Variants in ADK observed in about 807,000 individuals in gnomAD.
ADK encodes adenosine kinase.
In ADK, 24 loss-of-function variants were observed where a neutral mutation model predicts 44.7. The ratio of observed to expected loss-of-function variants is 0.54; its 90% CI spans 0.39 to 0.76. The LOEUF is 0.76. Ranked by LOEUF, ADK falls within the 30% of genes least tolerant of loss-of-function variation. The pLI is 0.00. For synonymous variants in ADK, 128 were observed against 142.6 expected (o/e 0.90, Z 0.73); for missense variants, 321 against 425.1 (o/e 0.76, Z 2.15).
intron 6 of ADK, among the ~76,000 whole-genome samples, chr10:74,425,729 T>A (rs1055206234): frequency 6.6e-6 from 1 of 152,242 alleles, no homozygotes; most frequent in Non-Finnish European, 1.5e-5. Context: ...TGAAAGAATC[T>A]GAGTGTTTGC....
chr10:74,647,649 T>C (rs546914892), intron 9 of ADK, among the ~76,000 whole-genome samples: 1 of 152,300 alleles, frequency 6.6e-6, no homozygotes, highest in Admixed American at 6.5e-5. Context: ...AAATAACTTG[T>C]ATGCAAACGT....
intron 3 of ADK, among the ~76,000 whole-genome samples, chr10:74,254,957 G>A (rs1339618627): frequency 6.6e-6 from 1 of 152,064 alleles, no homozygotes; most frequent in East Asian, 1.9e-4. Context: ...ATGCTGTACA[G>A]TATTTTCTTG....
intron 4 of ADK, among the ~76,000 whole-genome samples, chr10:74,385,315 G>C (rs1182209810): frequency 6.6e-6 from 1 of 152,090 alleles, no homozygotes; most frequent in African/African-American, 2.4e-5. Flanking sequence ...GGTTGAGTAG[G>C]TATTTGGATA....
rs376941529 is a variant in ADK, at chr10:74,680,590, A to G, written c.964+10321A>G. Among the ~76,000 whole-genome samples, 13 of 152,284 alleles carry G rather than the reference A, an allele frequency of 8.5e-5. No homozygotes were observed. In the East Asian group the frequency reaches 2.3e-3, roughly 27 times the overall value. ...TTAGTGTAATCTTTAAATAAATAAA[A>G]TCACATGTGTGTAGCACTGATGCAG... On this transcript the variant is annotated intron_variant, in intron 10 of 10. Coordinates refer to ENST00000539909, the MANE Select transcript of ADK (RefSeq NM_006721.4).
chr10:74,438,904 A>G (rs1361696206), intron 6 of ADK, among the ~76,000 whole-genome samples: 2 of 152,190 alleles, frequency 1.3e-5, no homozygotes, highest in East Asian at 1.9e-4. Context: ...TATATGTTCT[A>G]GATAATGTGG....
At chr10:74,427,209 A>T (rs1012500326) in intron 6 of ADK, among the ~76,000 whole-genome samples, 21 of 151,816 alleles carry the variant, frequency 1.4e-4, no homozygotes, top group Admixed American at 2.0e-4. Context: ...ATTTTATTTT[A>T]TTTTTTTGAG....
chr10:74,707,677 G>C (rs1832436), intron 10 of ADK, among the ~76,000 whole-genome samples: 122,464 of 150,758 alleles, frequency 0.81, 50,076 homozygotes, highest in African/African-American at 0.9. Context: ...GCAGAAGAAT[G>C]GCTTGAACCT....
At chr10:74,702,469 A>AC (rs1856458173) in intron 10 of ADK, among the ~76,000 whole-genome samples, 1 of 150,900 alleles carries the variant, frequency 6.6e-6, no homozygotes, top group Non-Finnish European at 1.5e-5. Flanking sequence ...GGCAGGAGCC[A>AC]CCATGGCCAG....
intron 1 of ADK, among the ~76,000 whole-genome samples, chr10:74,155,542 G>T (rs1042680341): frequency 3.3e-5 from 5 of 151,904 alleles, no homozygotes; most frequent in Admixed American, 6.6e-5. Flanking sequence ...GTTTGTTTTT[G>T]TTTTTGAGAC....
intron 9 of ADK, among the ~76,000 whole-genome samples, chr10:74,619,010 CTTTG>C (rs1332322367): frequency 1.8e-5 from 2 of 108,850 alleles, no homozygotes; most frequent in African/African-American, 4.4e-5. Context: ...CTTTTATGCT[CTTTG>C]TGTGTGTGTG....
intron 9 of ADK, among the ~76,000 whole-genome samples, chr10:74,630,914 T>TTTAC (rs1415234170): frequency 1.4e-5 from 2 of 138,912 alleles, no homozygotes; most frequent in African/African-American, 6.1e-5. Context: ...TGTTTATTAA[T>TTTAC]TTACTTATGT....
chr10:74,261,500 T>C (rs1227107873), intron 3 of ADK, among the ~76,000 whole-genome samples: 2 of 152,206 alleles, frequency 1.3e-5, no homozygotes, highest in Non-Finnish European at 2.9e-5. Context: ...CTTATTAGTT[T>C]ATGCCCTTGT....
At chr10:74,611,169 G>A (rs1055884686) in intron 9 of ADK, among the ~76,000 whole-genome samples, 1 of 149,732 alleles carries the variant, frequency 6.7e-6, no homozygotes, top group South Asian at 2.1e-4. Context: ...GACTACAGGT[G>A]CCTACCACCC....
At chr10:74,253,968 T>C (rs1394050417) in intron 3 of ADK, among the ~76,000 whole-genome samples, 3 of 152,054 alleles carry the variant, frequency 2.0e-5, no homozygotes, top group Non-Finnish European at 4.4e-5. Context: ...GGTTTCACCA[T>C]GTTGGCCGGG....
chr10:74,378,286 T>C (rs150604302), intron 4 of ADK, among the ~76,000 whole-genome samples: 112 of 152,206 alleles, frequency 7.4e-4, no homozygotes, highest in Non-Finnish European at 1.3e-3. Context: ...AGATGTTTGT[T>C]TTTTAATTTT....
chr10:74,342,664 A>T (rs1000163813), intron 4 of ADK, among the ~76,000 whole-genome samples: 1 of 152,054 alleles, frequency 6.6e-6, no homozygotes, highest in Non-Finnish European at 1.5e-5. Flanking sequence ...TTGTAGAGAC[A>T]GAGTCTTGCC....
intron 7 of ADK, among the ~76,000 whole-genome samples, chr10:74,542,567 A>G (rs1849676096): frequency 6.6e-6 from 1 of 152,160 alleles, no homozygotes; most frequent in Non-Finnish European, 1.5e-5. Context: ...TCAGAACTAT[A>G]TGAAAAGGTT....
intron 4 of ADK, among the ~76,000 whole-genome samples, chr10:74,348,379 A>G (rs527449178): frequency 6.6e-6 from 1 of 152,308 alleles, no homozygotes; most frequent in Admixed American, 6.5e-5. Context: ...AACAGAAAGC[A>G]ACAAACTCAA....
At chr10:74,524,451 G>A (rs974875826) in intron 6 of ADK, among the ~76,000 whole-genome samples, 6 of 152,114 alleles carry the variant, frequency 3.9e-5, no homozygotes, top group Non-Finnish European at 7.4e-5. Flanking sequence ...GGAGTGCAGT[G>A]GTGTCATCTC....
Sources: gnomAD v4.1 joint callset for allele counts (sites outside exome capture counted in the v4.1 genomes callset) on GRCh38, gnomAD v4.1.1 for gene constraint, MANE v1.5 for transcripts, NCBI Gene and HGNC (gene_info 2026-07-23, HGNC 2026-07-21) for gene names.